Variants in IFTAP observed in about 807,000 individuals in gnomAD.
IFTAP encodes intraflagellar transport-associated protein.
IFTAP carries 19 observed loss-of-function variants against 19.4 expected under a neutral mutation model. The observed-to-expected ratio is 0.98, with a 90% confidence interval of 0.68 to 1.44. The LOEUF (loss-of-function observed/expected upper bound fraction) is 1.44, where lower values mean the gene tolerates loss of function less well. Among genes scored for constraint, IFTAP ranks in the 40% most tolerant of loss-of-function variants. The pLI is 0.00. For missense variants in IFTAP, 240 were observed against 253.6 expected (o/e 0.95, Z 0.36); for synonymous variants, 85 against 83.5 (o/e 1.02, Z -0.10).
chr11:36,653,594 C>T (rs969743778), intron 5 of IFTAP, among the ~76,000 whole-genome samples: 6 of 152,132 alleles, frequency 3.9e-5, no homozygotes, highest in Non-Finnish European at 5.9e-5. Context: ...TATGCCACAA[C>T]AGCCAATAAC....
At chr11:36,648,541 G>A (rs1317292789) in intron 5 of IFTAP, among the ~76,000 whole-genome samples, 1 of 152,072 alleles carries the variant, frequency 6.6e-6, no homozygotes, top group African/African-American at 2.4e-5. Flanking sequence ...CTATAACAGA[G>A]AATCCTAATA....
At position 36,648,070 on chromosome 11, in the gene IFTAP, C is replaced by T; in HGVS notation, c.413C>T (p.Ser138Phe). Reference protein sequence around the residue: ...VEQDVSTSIPSCIPFVAQPPT... With the variant: ...VEQDVSTSIPFCIPFVAQPPT... ...CAGGATGTAAGCACCAGCATTCCTT[C>T]CTGTATCCCTTTTGTGGCCCAGCCT... Residue 138 changes from serine to phenylalanine, a missense_variant, in exon 5 of 6, where the codon TCC (serine) becomes TTC (phenylalanine). Transcript: ENST00000334307. 6.2e-7 allele frequency: 1 copy of T among 1,613,464 alleles called. No individual in the cohort carries two copies.
intron 1 of IFTAP, among the ~76,000 whole-genome samples, chr11:36,604,566 T>G (rs1851625116): frequency 6.6e-6 from 1 of 152,194 alleles, no homozygotes; most frequent in South Asian, 2.1e-4. Flanking sequence ...TATATAATGA[T>G]GTAATATGTG....
At chr11:36,613,520 A>G (rs923713441) in intron 2 of IFTAP, among the ~76,000 whole-genome samples, 12 of 152,092 alleles carry the variant, frequency 7.9e-5, no homozygotes, top group African/African-American at 2.9e-4. Flanking sequence ...CCAGTGGTAG[A>G]GATAAATAAG....
intron 1 of IFTAP, among the ~76,000 whole-genome samples, chr11:36,598,839 T>G (rs530432438): frequency 6.6e-6 from 1 of 152,330 alleles, no homozygotes; most frequent in South Asian, 2.1e-4. Flanking sequence ...CTTAAGCCTC[T>G]GTTTCTCTGT....
intron 2 of IFTAP, among the ~76,000 whole-genome samples, chr11:36,614,418 C>T (rs975845353): frequency 1.3e-5 from 2 of 148,868 alleles, no homozygotes; most frequent in African/African-American, 2.5e-5. Context: ...ATTTATAGTC[C>T]TTTGGGTATA....
In IFTAP at chr11:36,659,245, AT is replaced by A; in HGVS notation, c.*61del. 1.5e-6 allele frequency: 2 copies of A among 1,378,766 alleles called. No homozygotes were observed. Among genetic ancestry groups the A allele is most frequent in the Admixed American group, 2.6e-5 (1 of 38,914 alleles). The allele number at this position is 1,378,766 out of a possible 1,614,324, so 85.4% of individuals were successfully genotyped here. On this transcript the variant is annotated 3_prime_UTR_variant, in exon 6 of 6. Transcript: ENST00000334307. ...TTAATTTTGTTCTTATTCTAGCAACATTAGAATAAAAGATAAACCTACTATA... is the reference window on the plus strand; with the variant it reads ...TTAATTTTGTTCTTATTCTAGCAACATAGAATAAAAGATAAACCTACTATA...
intron 2 of IFTAP, among the ~76,000 whole-genome samples, chr11:36,620,217 A>T (rs112236169): frequency 6.6e-6 from 1 of 152,026 alleles, no homozygotes; most frequent in African/African-American, 2.4e-5. Flanking sequence ...TAATCTCTTT[A>T]TCACAACATA....
At chr11:36,595,261 A>C (rs890611966) in intron 1 of IFTAP, 3 of 152,126 alleles carry the variant, frequency 2.0e-5, no homozygotes, top group African/African-American at 4.8e-5. Context: ...GTAATTCTTT[A>C]ATAATTCTGT....
chr11:36,614,898 A>T (rs1361305429), intron 2 of IFTAP, among the ~76,000 whole-genome samples: 6,330 of 139,326 alleles, frequency 0.045, 889 homozygotes, highest in African/African-American at 0.16. Context: ...TAGTTTCTTT[A>T]GCTGTGCAGA....
chr11:36,635,683 G>A (rs766857162), intron 3 of IFTAP, among the ~76,000 whole-genome samples: 14 of 152,156 alleles, frequency 9.2e-5, no homozygotes, highest in Non-Finnish European at 1.3e-4. Context: ...ACAGGCAAAA[G>A]CAATAAAAGG....
intron 5 of IFTAP, among the ~76,000 whole-genome samples, chr11:36,648,488 A>G (rs1395084068): frequency 1.3e-5 from 2 of 152,130 alleles, no homozygotes; most frequent in African/African-American, 4.8e-5. Flanking sequence ...ATTACTGATA[A>G]GGTTCTATAA....
intron 1 of IFTAP, among the ~76,000 whole-genome samples, chr11:36,606,138 G>A (rs1427442974): frequency 6.6e-6 from 1 of 152,188 alleles, no homozygotes; most frequent in Non-Finnish European, 1.5e-5. Context: ...GACAGTTTGT[G>A]AAACTGCATG....
intron 1 of IFTAP, 22 bp from the exon 2 acceptor site, chr11:36,610,059 C>A: frequency 6.2e-7 from 1 of 1,600,292 alleles, no homozygotes; most frequent in Non-Finnish European, 8.5e-7. Flanking sequence ...TTCTCTCTAG[C>A]TGGTATTTTT....
intron 2 of IFTAP, among the ~76,000 whole-genome samples, chr11:36,617,150 A>C (rs904314851): frequency 2.0e-5 from 3 of 149,912 alleles, no homozygotes; most frequent in Non-Finnish European, 4.4e-5. Context: ...GATTTAAATA[A>C]AATATATCAT....
At position 36,633,374 on chromosome 11, in the gene IFTAP, A is replaced by T; in HGVS notation, c.227A>T (p.Asp76Val). ...SAKVTHKNEADDYHLRNKTIF... is the reference protein window; with the variant it reads ...SAKVTHKNEAVDYHLRNKTIF... ...AAAGTTACTCATAAAAATGAAGCAGATGACTACCATCTTAGAAATAAAACC... is the reference window on the plus strand; with the variant it reads ...AAAGTTACTCATAAAAATGAAGCAGTTGACTACCATCTTAGAAATAAAACC... Residue 76 changes from aspartate (D) to valine (V), a missense_variant, in exon 3 of 6, where the codon GAT becomes GTT. Transcript: ENST00000334307. 6.2e-7 allele frequency: 1 copy of T among 1,603,926 alleles called. No homozygotes were observed. Among genetic ancestry groups the T allele is most frequent in the Non-Finnish European group, 8.5e-7 (1 of 1,175,648 alleles).
At chr11:36,639,143 T>C (rs538529679) in intron 4 of IFTAP, among the ~76,000 whole-genome samples, 31 of 152,156 alleles carry the variant, frequency 2.0e-4, no homozygotes, top group Non-Finnish European at 3.7e-4. Flanking sequence ...TATTAGTTAT[T>C]GTGCTGAGGA....
At chr11:36,621,748 G>A (rs1852299090) in intron 2 of IFTAP, among the ~76,000 whole-genome samples, 1 of 151,868 alleles carries the variant, frequency 6.6e-6, no homozygotes, top group South Asian at 2.1e-4. Context: ...AACAAAACAG[G>A]GTCCCTACCC....
intron 1 of IFTAP, among the ~76,000 whole-genome samples, chr11:36,600,366 A>G (rs1279234846): frequency 6.6e-6 from 1 of 152,232 alleles, no homozygotes; most frequent in Non-Finnish European, 1.5e-5. Context: ...GCAGGCCGGC[A>G]AGCCTTACTG....
Sources: gnomAD v4.1 joint callset for allele counts (sites outside exome capture counted in the v4.1 genomes callset) on GRCh38, gnomAD v4.1.1 for gene constraint, MANE v1.5 for transcripts, NCBI Gene and HGNC (gene_info 2026-07-23, HGNC 2026-07-21) for gene names.